Variants in CSNK1G3 observed in about 807,000 individuals in gnomAD.
The protein encoded by CSNK1G3 is casein kinase 1 gamma 3.
A neutral mutation model predicts 64.3 loss-of-function variants in CSNK1G3; 23 were observed. The observed-to-expected ratio is 0.36, with a 90% CI of 0.26 to 0.51. The LOEUF (loss-of-function observed/expected upper bound fraction) is 0.51, where lower values mean the gene tolerates loss of function less well. Among genes scored for constraint, CSNK1G3 ranks in the 20% least tolerant of loss-of-function variants. The pLI, the probability that CSNK1G3 is intolerant of heterozygous loss-of-function variation, is 0.96. For synonymous variants in CSNK1G3, 158 were observed against 162.2 expected, an observed-to-expected ratio of 0.97 and a Z score of 0.20; for missense variants, 357 against 510.5, an observed-to-expected ratio of 0.70 and a Z score of 2.90.
At chr5:123,578,874 A>G (rs187005257) in intron 6 of CSNK1G3, among the ~76,000 whole-genome samples, 40 of 152,128 alleles carry the variant, frequency 2.6e-4, no homozygotes, top group Admixed American at 1.6e-3. Flanking sequence ...TAAAAAGTCA[A>G]TTCTAGATTA....
intron 4 of CSNK1G3, among the ~76,000 whole-genome samples, chr5:123,563,811 A>C (rs1786267159): frequency 6.6e-6 from 1 of 152,104 alleles, no homozygotes; most frequent in African/African-American, 2.4e-5. Context: ...GTACTGTAAA[A>C]AGCATGAAAG....
chr5:123,601,380 C>T (rs976189383), intron 10 of CSNK1G3, among the ~76,000 whole-genome samples: 2 of 152,110 alleles, frequency 1.3e-5, no homozygotes, highest in African/African-American at 4.8e-5. Context: ...ACAGCAGTAT[C>T]CTATCTTAAC....
At chr5:123,560,300 A>T (rs1239260045) in intron 4 of CSNK1G3, among the ~76,000 whole-genome samples, 1 of 152,180 alleles carries the variant, frequency 6.6e-6, no homozygotes, top group Non-Finnish European at 1.5e-5. Context: ...CACCGTGGAA[A>T]ATTGTATGTT....
chr5:123,610,576 C>T (rs1478419), intron 12 of CSNK1G3, among the ~76,000 whole-genome samples: 1 of 151,912 alleles, frequency 6.6e-6, no homozygotes, highest in Admixed American at 6.6e-5. Context: ...GTCAATAGCA[C>T]AAGCCTGTAT....
intron 10 of CSNK1G3, among the ~76,000 whole-genome samples, chr5:123,591,965 G>T (rs187211964): frequency 3.3e-5 from 5 of 152,050 alleles, no homozygotes; most frequent in Admixed American, 2.6e-4. Context: ...TGGAAATAAT[G>T]CATGTTAATT....
rs139522457 is a variant in CSNK1G3 at position 123,566,819 on chromosome 5, TC to T, written c.290-6573del. Among the ~76,000 whole-genome samples, 343 of 152,280 alleles carry T rather than the reference TC, an allele frequency of 2.3e-3. No individual in the cohort carries two copies. The Middle Eastern group carries it at 0.024, about 11-fold the overall frequency. On this transcript the variant is annotated intron_variant, in intron 4 of 12. Coordinates refer to ENST00000345990, the Ensembl canonical transcript of CSNK1G3. The stretch of plus-strand genomic sequence containing the variant: ...TCCTGATTGCAAAAATAGCATATGT[TC>T]GTAATAAAAATTAGGAAAAGTTTAA...
intron 1 of CSNK1G3, among the ~76,000 whole-genome samples, chr5:123,523,948 T>C (rs1487570889): frequency 6.6e-6 from 1 of 152,234 alleles, no homozygotes; most frequent in African/African-American, 2.4e-5. Flanking sequence ...GTTAAATATA[T>C]GGTGTATACC....
At chr5:123,522,392 A>G (rs1778271463) in intron 1 of CSNK1G3, among the ~76,000 whole-genome samples, 1 of 152,086 alleles carries the variant, frequency 6.6e-6, no homozygotes, top group African/African-American at 2.4e-5. Flanking sequence ...CGTCCCAGCT[A>G]CTTGGGAGAC....
chr5:123,581,942 T>C (rs1790385853), intron 6 of CSNK1G3, among the ~76,000 whole-genome samples: 1 of 152,034 alleles, frequency 6.6e-6, no homozygotes, highest in Admixed American at 6.6e-5. Context: ...CTGTCTTGGC[T>C]TTGTCTTCTC....
At chr5:123,525,303 C>T (rs1778850132) in intron 1 of CSNK1G3, among the ~76,000 whole-genome samples, 1 of 149,398 alleles carries the variant, frequency 6.7e-6, no homozygotes, top group African/African-American at 2.5e-5. Context: ...TGTCCTACAC[C>T]AGTTGTTTGC....
At chr5:123,550,302 G>A (rs1429631604) in intron 2 of CSNK1G3, among the ~76,000 whole-genome samples, 1 of 152,196 alleles carries the variant, frequency 6.6e-6, no homozygotes, top group African/African-American at 2.4e-5. Flanking sequence ...CTGTGCACAA[G>A]GTAATTGCTT....
At chr5:123,535,001 G>A (rs76344452) in intron 1 of CSNK1G3, among the ~76,000 whole-genome samples, 3,571 of 152,214 alleles carry the variant, frequency 0.023, 68 homozygotes, top group Non-Finnish European at 0.039. Flanking sequence ...AAGCACGACC[G>A]TGAAAGTCCA....
intron 6 of CSNK1G3, among the ~76,000 whole-genome samples, chr5:123,578,439 T>C (rs1789594595): frequency 6.6e-6 from 1 of 151,924 alleles, no homozygotes; most frequent in South Asian, 2.1e-4. Flanking sequence ...TATTTGTATA[T>C]CTTCTTTTGA....
At chr5:123,590,774 T>C (rs1792190521) in intron 9 of CSNK1G3, among the ~76,000 whole-genome samples, 1 of 152,066 alleles carries the variant, frequency 6.6e-6, no homozygotes, top group Admixed American at 6.6e-5. Context: ...GCATGAAGAG[T>C]TACTTTTAAC....
At chr5:123,583,524 C>T (rs554100290) in intron 6 of CSNK1G3, among the ~76,000 whole-genome samples, 3 of 152,292 alleles carry the variant, frequency 2.0e-5, no homozygotes, top group Admixed American at 1.3e-4. Context: ...CCATGCCCAG[C>T]TAATTTTTTT....
intron 2 of CSNK1G3, among the ~76,000 whole-genome samples, chr5:123,550,016 C>T (rs909087401): frequency 1.3e-5 from 2 of 151,992 alleles, no homozygotes; most frequent in African/African-American, 4.8e-5. Context: ...GTTGAAAATT[C>T]TGCAGGCCTT....
chr5:123,566,170 T>C (rs1014632831), intron 4 of CSNK1G3, among the ~76,000 whole-genome samples: 2 of 152,252 alleles, frequency 1.3e-5, no homozygotes, highest in Non-Finnish European at 2.9e-5. Context: ...ATTACTGTTG[T>C]GTGACCTAAT....
intron 4 of CSNK1G3, among the ~76,000 whole-genome samples, chr5:123,562,505 G>A (rs1018295009): frequency 1.3e-5 from 2 of 151,988 alleles, no homozygotes; most frequent in African/African-American, 4.8e-5. Flanking sequence ...TAGATGTGAA[G>A]TTGGGATGTA....
Position 123,591,336 on chromosome 5 carries a change from A to G in CSNK1G3, c.1008A>G (p.Ala336=), listed in dbSNP as rs113247153. ...TATTGTAGCCTACTCCAGTGGGTGC[A>G]GTTCAGCAAGATCCTGCTCTGTCAT... is the stretch of plus-strand genomic sequence containing the variant. The change falls in exon 10 of 13, where the codon GCA becomes GCG. Residue 336 remains alanine, a synonymous_variant. Coordinates refer to ENST00000345990, the Ensembl canonical transcript of CSNK1G3. 1.9e-5 allele frequency: 31 copies of G among 1,607,570 alleles called. No homozygotes were observed. The African/African-American group carries it at 3.6e-4, about 19-fold the overall frequency.
Sources: allele counts gnomAD v4.1 joint callset (sites outside exome capture counted in the v4.1 genomes callset), GRCh38; gene constraint gnomAD v4.1.1; transcripts MANE v1.5; gene names NCBI Gene and HGNC (gene_info 2026-07-23, HGNC 2026-07-21).